Variants in DISC1 observed in about 807,000 individuals in gnomAD.
DISC1 encodes disrupted in schizophrenia 1 protein.
A neutral mutation model predicts 84.5 loss-of-function variants in DISC1; 57 were observed. The ratio of observed to expected loss-of-function variants is 0.67; its 90% CI spans 0.55 to 0.84. DISC1 has a LOEUF of 0.84. DISC1 is among the 40% of genes least tolerant of loss of function. DISC1 has a pLI of 0.00. For missense variants in DISC1, 1,000 were observed against 1,057.8 expected (o/e 0.95, Z 0.76); for synonymous variants, 411 against 415.2 (o/e 0.99, Z 0.12).
chr1:232,009,264 A>C lies in DISC1; in HGVS notation c.2307+215A>C. The C allele has an allele frequency of 2.2e-6, 3 of 1,364,772 alleles. No homozygotes were observed. Among genetic ancestry groups the C allele is most frequent in the Non-Finnish European group, 2.8e-6 (3 of 1,059,812 alleles). 84.5% of individuals were successfully genotyped at this position (1,364,772 alleles called of 1,614,324 possible). A position where few individuals can be genotyped will look rare whatever the true frequency, so the allele number is the denominator to read the frequency against. On this transcript the variant is annotated intron_variant, in intron 11 of 12. Coordinates refer to ENST00000439617, the MANE Select transcript of DISC1 (RefSeq NM_018662.3). The surrounding 1 kb of genome is among the most constrained non-coding windows in gnomAD (Gnocchi z 4.6). ...AGAGCAAAAAAACCCAACTTTTGGC[A>C]TATTTAGTTCCATTTTCATTCTAAT...
rs1289440294 is a variant in DISC1, at chr1:231,818,788, G to C, written c.1981+271G>C. 7 of 1,285,602 alleles carry C rather than the reference G, an allele frequency of 5.4e-6. No individual in the cohort carries two copies. In the East Asian group the frequency reaches 2.1e-4, roughly 39 times the overall value. The allele number at this position is 1,285,602 out of a possible 1,614,324, so 79.6% of individuals were successfully genotyped here. ...TTGCTAATAGCCTTGTTATTATTTAGAGCAGTCTCTCCCTTGGCAAGGTCT... is the reference window on the plus strand; with the variant it reads ...TTGCTAATAGCCTTGTTATTATTTACAGCAGTCTCTCCCTTGGCAAGGTCT... On this transcript the variant is annotated intron_variant, in intron 9 of 12. Transcript: ENST00000439617.
intron 3 of DISC1, among the ~76,000 whole-genome samples, chr1:231,728,392 C>T (rs545437689): frequency 1.4e-4 from 21 of 152,330 alleles, no homozygotes; most frequent in African/African-American, 4.3e-4. Context: ...AAGGCACAAT[C>T]GCCCACTGTC....
intron 6 of DISC1, among the ~76,000 whole-genome samples, chr1:231,781,355 TA>T (rs777390862): frequency 3.0e-4 from 45 of 152,178 alleles, no homozygotes; most frequent in Non-Finnish European, 5.4e-4. Flanking sequence ...AACATGAGTC[TA>T]TTATTCTTAG....
rs925038831 is a variant in DISC1, at chr1:232,038,902, A to G, written c.*2071A>G. 1 of 152,186 alleles carries G rather than the reference A, an allele frequency of 6.6e-6. No individual in the cohort carries two copies. The highest frequency in any genetic ancestry group is 1.9e-4 in the East Asian group (1 of 5,192). The allele number at this position is 152,186 out of a possible 1,614,324, so 9.4% of individuals were successfully genotyped here. A position where few individuals can be genotyped will look rare whatever the true frequency, so the allele number is the denominator to read the frequency against. On this transcript the variant is annotated 3_prime_UTR_variant, in exon 13 of 13. Coordinates refer to ENST00000439617, the MANE Select transcript of DISC1 (RefSeq NM_018662.3). ...CCAGAAGGCATCTGGTGCTTTGCTCAGCCTTCCATGCTGTGCAGCACTTCT... is the reference window on the plus strand; with the variant it reads ...CCAGAAGGCATCTGGTGCTTTGCTCGGCCTTCCATGCTGTGCAGCACTTCT...
At chr1:231,665,075 T>C (rs1410376019) in intron 1 of DISC1, among the ~76,000 whole-genome samples, 1 of 152,060 alleles carries the variant, frequency 6.6e-6, no homozygotes, top group Non-Finnish European at 1.5e-5. Flanking sequence ...TGGAGAGAAA[T>C]AGAAACAACA....
intron 1 of DISC1, among the ~76,000 whole-genome samples, chr1:231,642,089 G>GC (rs1207878099): frequency 2.0e-5 from 3 of 152,214 alleles, no homozygotes; most frequent in Non-Finnish European, 4.4e-5. Context: ...CCCCAGCCCT[G>GC]CCCCGCGGGA....
intron 9 of DISC1, among the ~76,000 whole-genome samples, chr1:231,949,701 A>G (rs1657973638): frequency 1.3e-5 from 2 of 152,278 alleles, no homozygotes; most frequent in South Asian, 4.1e-4. Context: ...GTGTCCCAGC[A>G]GCTCTCCCAA....
At chr1:231,684,471 A>G (rs202178588) in intron 1 of DISC1, among the ~76,000 whole-genome samples, 27 of 152,056 alleles carry the variant, frequency 1.8e-4, no homozygotes, top group Non-Finnish European at 2.6e-4. Flanking sequence ...TTGAATTACT[A>G]TATAATTGCA....
chr1:231,847,963 A>G (rs1426762232), intron 9 of DISC1, among the ~76,000 whole-genome samples: 1 of 152,208 alleles, frequency 6.6e-6, no homozygotes, highest in East Asian at 1.9e-4. Flanking sequence ...GAAGAAATGA[A>G]GAGAGCTGCT....
chr1:231,990,907 T>C (rs1300137321), intron 10 of DISC1, among the ~76,000 whole-genome samples: 3 of 152,190 alleles, frequency 2.0e-5, no homozygotes, highest in Non-Finnish European at 4.4e-5. Context: ...CTTTGGTTTG[T>C]GGGTAGGGAA....
chr1:231,914,176 A>G (rs1400179302), intron 9 of DISC1, among the ~76,000 whole-genome samples: 4 of 152,056 alleles, frequency 2.6e-5, no homozygotes, highest in African/African-American at 7.2e-5. Context: ...GTGACATTAC[A>G]TCTGTGTTCC....
intron 9 of DISC1, among the ~76,000 whole-genome samples, chr1:231,835,025 G>A (rs1411246387): frequency 2.6e-5 from 4 of 152,182 alleles, no homozygotes; most frequent in Admixed American, 6.5e-5. Flanking sequence ...GAAGTGTGGC[G>A]CCAAGATTGA....
rs887410194 is a variant in DISC1, at chr1:231,670,220, G to T, written c.68-23606G>T. On this transcript the variant is annotated intron_variant, in intron 1 of 12. Transcript: ENST00000439617. ...ACTAGGGCCTATTGAAGAATTGGAGGGTTGAAGGAGGAAGAAGACTAGGAA... is the reference window on the plus strand; with the variant it reads ...ACTAGGGCCTATTGAAGAATTGGAGTGTTGAAGGAGGAAGAAGACTAGGAA... 3.3e-5 allele frequency among the ~76,000 whole-genome samples: 5 copies of T among 152,206 alleles called. No individual in the cohort carries two copies. The South Asian group carries it at 1.0e-3, about 32-fold the overall frequency.
chr1:231,882,033 T>G (rs960727486), intron 9 of DISC1, among the ~76,000 whole-genome samples: 1 of 152,172 alleles, frequency 6.6e-6, no homozygotes, highest in African/African-American at 2.4e-5. Flanking sequence ...CCAGCCCATC[T>G]CCACTCCTCC....
intron 9 of DISC1, among the ~76,000 whole-genome samples, chr1:231,823,826 G>T (rs1029085662): frequency 1.3e-5 from 2 of 152,056 alleles, no homozygotes; most frequent in African/African-American, 4.8e-5. Context: ...AAGCAGGAGG[G>T]ACTGTGCACA....
intron 11 of DISC1, among the ~76,000 whole-genome samples, chr1:232,019,095 G>T (rs1305945996): frequency 6.6e-6 from 1 of 152,208 alleles, no homozygotes; most frequent in African/African-American, 2.4e-5. Flanking sequence ...GACGACGGAG[G>T]CAGGGCCAGG....
chr1:231,857,742 A>G (rs1256416932), intron 9 of DISC1, among the ~76,000 whole-genome samples: 1 of 152,252 alleles, frequency 6.6e-6, no homozygotes, highest in African/African-American at 2.4e-5. Context: ...AAATGCAGCC[A>G]TGACTTCTCA....
chr1:231,870,497 C>T (rs202184451), intron 9 of DISC1, among the ~76,000 whole-genome samples: 75 of 152,324 alleles, frequency 4.9e-4, no homozygotes, highest in Non-Finnish European at 7.8e-4. Flanking sequence ...CGTCTCTGAG[C>T]GGCCCGAGCT....
chr1:231,920,615 T>G (rs1237814142), intron 9 of DISC1, among the ~76,000 whole-genome samples: 1 of 152,232 alleles, frequency 6.6e-6, no homozygotes, highest in Non-Finnish European at 1.5e-5. Context: ...TTCTTAAGGC[T>G]GAATAACATT....
Sources: allele counts gnomAD v4.1 joint callset (sites outside exome capture counted in the v4.1 genomes callset), GRCh38; gene constraint gnomAD v4.1.1; non-coding constraint Gnocchi (gnomAD v3.1); transcripts MANE v1.5; gene names NCBI Gene and HGNC (gene_info 2026-07-23, HGNC 2026-07-21).